The following TRHR variants were observed in gnomAD, a reference collection of about 807,000 sequenced individuals.
TRHR encodes the protein thyrotropin releasing hormone receptor.
A neutral mutation model predicts 28.0 loss-of-function variants in TRHR; 14 were observed. That is an observed-to-expected ratio of 0.50 (90% CI 0.33 to 0.78). The LOEUF (loss-of-function observed/expected upper bound fraction) is 0.78. Ranked by LOEUF, TRHR falls within the 30% of genes least tolerant of loss-of-function variation. TRHR has a pLI of 0.02. For missense variants in TRHR, 438 were observed against 469.5 expected (o/e 0.93, Z 0.62); for synonymous variants, 176 against 171.9 (o/e 1.02, Z -0.18).
chr8:109,119,517 A>C lies in TRHR; in HGVS notation c.*62A>C, dbSNP rs1690676437. On this transcript the variant is annotated 3_prime_UTR_variant, in exon 3 of 3. Transcript: ENST00000518632. The stretch of plus-strand genomic sequence containing the variant: ...GAGAATCTGTGCAGTCATCAACAAA[A>C]GGGAGAACATGGCCAATAGTCATAT... 6.3e-7 allele frequency: 1 copy of C among 1,580,844 alleles called. No homozygotes were observed. Among genetic ancestry groups the C allele is most frequent in the Non-Finnish European group, 8.6e-7 (1 of 1,160,344 alleles).
At chr8:109,114,210 C>T (rs189852009) in intron 2 of TRHR, among the ~76,000 whole-genome samples, 5 of 152,146 alleles carry the variant, frequency 3.3e-5, no homozygotes, top group African/African-American at 1.2e-4. Context: ...AGTAGGGTGG[C>T]CAAGGACAAG....
rs770750922 is a variant in TRHR at position 109,087,920 on chromosome 8, C to T, written c.408C>T (p.Leu136=). The T allele has an allele frequency of 5.1e-5, 82 of 1,614,108 alleles. No individual in the cohort carries two copies. In the Admixed American group the frequency reaches 5.8e-4, roughly 11 times the overall value. ...GTCACCCCATCAAAGCCCAGTTTCT[C>T]TGCACATTTTCCAGAGCCAAAAAGA... ...AICHPIKAQF[L]CTFSRAKKII... is the part of the protein sequence containing the mutation. The change falls in exon 2 of 3, where the codon CTC becomes CTT. Residue 136 remains leucine, a synonymous_variant. Transcript: ENST00000518632.
chr8:109,115,116 G>C (rs1259232565), intron 2 of TRHR, among the ~76,000 whole-genome samples: 1 of 152,112 alleles, frequency 6.6e-6, no homozygotes, highest in Non-Finnish European at 1.5e-5. Context: ...ACTCTGATCA[G>C]ATAGTTGTAG....
chr8:109,119,642 T>A lies in TRHR; in HGVS notation c.*187T>A. 1.6e-6 allele frequency: 1 copy of A among 628,030 alleles called. No homozygotes were observed. Among genetic ancestry groups the A allele is most frequent in the Non-Finnish European group, 2.7e-6 (1 of 371,632 alleles). The allele number at this position is 628,030 out of a possible 1,614,324, so 38.9% of individuals were successfully genotyped here. A position where few individuals can be genotyped will look rare whatever the true frequency, so the allele number is the denominator to read the frequency against. On this transcript the variant is annotated 3_prime_UTR_variant, in exon 3 of 3. Transcript: ENST00000518632. ...GATTCAGACTTTCCTTCTTACAAAC[T>A]AATATCACTAAAAATGGAGCAGATC...
chr8:109,114,045 T>C (rs1811878911), intron 2 of TRHR, among the ~76,000 whole-genome samples: 1 of 152,052 alleles, frequency 6.6e-6, no homozygotes, highest in South Asian at 2.1e-4. Flanking sequence ...TTTATAAAGA[T>C]GACAAAAGGG....
intron 2 of TRHR, among the ~76,000 whole-genome samples, chr8:109,092,424 T>A (rs3134111): frequency 0.6 from 90,532 of 150,136 alleles, 27,450 homozygotes; most frequent in South Asian, 0.73. Context: ...ATTTATTTAT[T>A]TTTATTTTAT....
chr8:109,096,292 C>T (rs1255169769), intron 2 of TRHR, among the ~76,000 whole-genome samples: 2 of 152,124 alleles, frequency 1.3e-5, no homozygotes, highest in Non-Finnish European at 2.9e-5. Context: ...CAAATGATGC[C>T]CAGCCACCTC....
At chr8:109,111,370 G>C (rs900844451) in intron 2 of TRHR, among the ~76,000 whole-genome samples, 1 of 152,078 alleles carries the variant, frequency 6.6e-6, no homozygotes, top group African/African-American at 2.4e-5. Flanking sequence ...ACTTTGCTGA[G>C]GGCCATCTGA....
Position 109,119,307 on chromosome 8 carries a change from TGGCCCTAAATTACAGCGTC to T in TRHR, c.1050_1068del (p.Ala351SerfsTer45), listed in dbSNP as rs1187796906. ...ACAGAGAAACCTGCTAACTACAGTG[TGGCCCTAAATTACAGCGTC>T]ATCAAGGAGTCAGACCATTTCAGCA... On this transcript the variant is annotated frameshift_variant, in exon 3 of 3. Coordinates refer to ENST00000518632, the MANE Select transcript of TRHR (RefSeq NM_003301.7). LOFTEE classifies it high-confidence loss of function. 6.2e-7 allele frequency: 1 copy of T among 1,612,634 alleles called. No homozygotes were observed.
intron 2 of TRHR, among the ~76,000 whole-genome samples, chr8:109,090,775 A>G (rs1811506415): frequency 6.6e-6 from 1 of 152,242 alleles, no homozygotes; most frequent in Admixed American, 6.5e-5. Flanking sequence ...AGGACAAGAC[A>G]TAGTGGCTGG....
chr8:109,097,131 C>T (rs1811605846), intron 2 of TRHR, among the ~76,000 whole-genome samples: 1 of 152,124 alleles, frequency 6.6e-6, no homozygotes, highest in South Asian at 2.1e-4. Flanking sequence ...GTACAAGAAC[C>T]TGTTGGCTTT....
chr8:109,119,121 T>G lies in TRHR; in HGVS notation c.863T>G (p.Val288Gly). The part of the protein sequence containing the change: ...LWMPYRTLVV[V>G]NSFLSSPFQE... ...ATGCCCTACAGGACTCTAGTGGTTG[T>G]CAACTCATTTCTCTCCAGTCCTTTC... is the stretch of plus-strand genomic sequence containing the variant. Residue 288 changes from valine to glycine, a missense_variant, in exon 3 of 3, where the codon GTC (valine) becomes GGC (glycine). Physicochemically the swap from Val to Gly is moderately radical, Grantham distance 109 (BLOSUM62 -3). Transcript: ENST00000518632. 1 of 1,612,978 alleles carries G rather than the reference T, an allele frequency of 6.2e-7. No individual in the cohort carries two copies. Among genetic ancestry groups the G allele is most frequent in the Non-Finnish European group, 8.5e-7 (1 of 1,179,264 alleles).
At chr8:109,103,285 A>G (rs1012409229) in intron 2 of TRHR, among the ~76,000 whole-genome samples, 7 of 152,052 alleles carry the variant, frequency 4.6e-5, no homozygotes, top group African/African-American at 1.7e-4. Context: ...TTTCCCTCAA[A>G]TATCTTGGCT....
Position 109,087,869 on chromosome 8 carries a change from T to C in TRHR, c.357T>C (p.Phe119=). The C allele has an allele frequency of 6.2e-7, 1 of 1,614,198 alleles. No individual in the cohort carries two copies. Among genetic ancestry groups the C allele is most frequent in the Non-Finnish European group, 8.5e-7 (1 of 1,180,032 alleles). The change falls in exon 2 of 3, where the codon TTT becomes TTC. Residue 119 remains phenylalanine, a synonymous_variant. Transcript: ENST00000518632. ...INASSCSITA[F]TIERYIAICH... ...CATCCTCTTGTTCAATAACAGCCTT[T>C]ACCATTGAGAGGTACATAGCAATCT...
chr8:109,087,522 G>A lies in TRHR; in HGVS notation c.10G>A (p.Glu4Lys), dbSNP rs750828177. Residue 4 changes from glutamate to lysine, a missense_variant, in exon 2 of 3, where the codon GAG becomes AAG. Physicochemically the swap from Glu to Lys is moderately conservative, Grantham distance 56 (BLOSUM62 1). Coordinates refer to ENST00000518632, the MANE Select transcript of TRHR (RefSeq NM_003301.7). ...CTTTAAGCTTCTAAAGATGGAAAAC[G>A]AGACAGTCAGTGAACTGAACCAAAC... MEN[E>K]TVSELNQTQL... 8.1e-6 allele frequency: 13 copies of A among 1,614,178 alleles called. No individual in the cohort carries two copies. The highest frequency in any genetic ancestry group is 5.0e-5 in the Admixed American group (3 of 60,018).
chr8:109,120,472 A>G lies in TRHR; in HGVS notation c.*1017A>G, dbSNP rs1011650020. Among the ~76,000 whole-genome samples the G allele has an allele frequency of 3.3e-5, 5 of 151,678 alleles. No homozygotes were observed. Among genetic ancestry groups the G allele is most frequent in the African/African-American group, 7.3e-5 (3 of 41,362 alleles). Reference sequence around the variant, plus strand: ...CAAAATCCTGGTATCCCTCTTCCAGATAAAGAGCTCCCACTGAGAATTGTA... The same window carrying G: ...CAAAATCCTGGTATCCCTCTTCCAGGTAAAGAGCTCCCACTGAGAATTGTA... On this transcript the variant is annotated 3_prime_UTR_variant, in exon 3 of 3. Coordinates refer to ENST00000518632, the MANE Select transcript of TRHR (RefSeq NM_003301.7).
At position 109,121,360 on chromosome 8, in the gene TRHR, G is replaced by A. The variant is rs1462241963; in HGVS notation, c.*1905G>A. On this transcript the variant is annotated 3_prime_UTR_variant, in exon 3 of 3. Coordinates refer to ENST00000518632, the MANE Select transcript of TRHR (RefSeq NM_003301.7). ...CATGTTCATAAATTGGTGAAAAAGG[G>A]GATTGGAATATACGAGATTTTTTCA... Among the ~76,000 whole-genome samples, 2 of 151,510 alleles carry A rather than the reference G, an allele frequency of 1.3e-5. No homozygotes were observed. Among genetic ancestry groups the A allele is most frequent in the Non-Finnish European group, 1.5e-5 (1 of 67,692 alleles).
At chr8:109,115,485 T>C (rs1335077612) in intron 2 of TRHR, among the ~76,000 whole-genome samples, 1 of 152,182 alleles carries the variant, frequency 6.6e-6, no homozygotes, top group East Asian at 1.9e-4. Context: ...TTTTATTTCA[T>C]TGAGCAGTGG....
intron 2 of TRHR, among the ~76,000 whole-genome samples, chr8:109,088,589 T>A (rs1811477524): frequency 6.6e-6 from 1 of 152,218 alleles, no homozygotes; most frequent in Admixed American, 6.5e-5. Context: ...TTAATATGTT[T>A]ATGCCTCTCT....
Sources: gnomAD v4.1 joint callset for allele counts (sites outside exome capture counted in the v4.1 genomes callset) on GRCh38, gnomAD v4.1.1 for gene constraint, MANE v1.5 for transcripts, NCBI Gene and HGNC (gene_info 2026-07-23, HGNC 2026-07-21) for gene names.